The following PLD1 variants were observed in gnomAD, a reference collection of about 807,000 sequenced individuals.
The protein encoded by PLD1 is choline phosphatase 1.
A neutral mutation model predicts 137.1 loss-of-function variants in PLD1; 112 were observed. The observed-to-expected ratio is 0.82, with a 90% CI of 0.70 to 0.96. The LOEUF is 0.96. PLD1 is among the 40% of genes least tolerant of loss of function. The probability of loss-of-function intolerance (pLI) is 0.00; values close to 1 mark genes in which losing one functional copy is unlikely to be tolerated. For missense variants in PLD1, 1,321 were observed against 1,342.0 expected, an observed-to-expected ratio of 0.98 and a Z score of 0.24; for synonymous variants, 431 against 454.7, an observed-to-expected ratio of 0.95 and a Z score of 0.66.
Position 171,783,460 on chromosome 3 carries a change from A to G in PLD1, c.-32+26939T>C, listed in dbSNP as rs570617121. Among the ~76,000 whole-genome samples, 4 of 152,284 alleles carry G rather than the reference A, an allele frequency of 2.6e-5. No homozygotes were observed. The East Asian group carries it at 5.8e-4, about 22-fold the overall frequency. On this transcript the variant is annotated intron_variant, in intron 1 of 26. Transcript: ENST00000351298. ...GAAAGTTAGACTACACAGGGCATTAATGGAAAGTAAAAAGGTGGCAGAGTC... is the reference window on the plus strand; with the variant it reads ...GAAAGTTAGACTACACAGGGCATTAGTGGAAAGTAAAAAGGTGGCAGAGTC...
At chr3:171,664,594 A>G (rs1022855279) in intron 19 of PLD1, among the ~76,000 whole-genome samples, 3 of 151,428 alleles carry the variant, frequency 2.0e-5, no homozygotes, top group Admixed American at 6.6e-5. Flanking sequence ...AGTAGCTGGG[A>G]TTACAGGTGT....
At chr3:171,654,318 AAAG>A in intron 21 of PLD1, 2 of 318,382 alleles carry the variant, frequency 6.3e-6, no homozygotes, top group Admixed American at 4.5e-5. Context: ...AAAAAAAAAA[AAAG>A]AACATGGTAA....
At position 171,620,503 on chromosome 3, in the gene PLD1, T is replaced by C; in HGVS notation, c.2611A>G (p.Asn871Asp). 1 of 1,584,986 alleles carries C rather than the reference T, an allele frequency of 6.3e-7. No homozygotes were observed. Among genetic ancestry groups the C allele is most frequent in the Non-Finnish European group, 8.6e-7 (1 of 1,156,532 alleles). ...CTAAGACCACAGAATGATATGTAAT[T>C]TATCCACTGATTACCAACTGCAAAT... ...LKAELGNQWI[N>D]YISFCGLRTH... The change falls in exon 24 of 27, where the codon AAT becomes GAT. Residue 871 changes from asparagine to aspartate, a missense_variant. Physicochemically the swap from Asn to Asp is conservative, Grantham distance 23 (BLOSUM62 1). Coordinates refer to ENST00000351298, the MANE Select transcript of PLD1 (RefSeq NM_002662.5).
chr3:171,783,032 T>C (rs1169092273), intron 1 of PLD1, among the ~76,000 whole-genome samples: 2 of 151,934 alleles, frequency 1.3e-5, no homozygotes, highest in Non-Finnish European at 2.9e-5. Context: ...TGCAAGAGAA[T>C]ATGGGAGCTG....
In PLD1 at chr3:171,612,867, A is replaced by C. The variant is rs979992784; in HGVS notation, c.2729-435T>G. ...AGAACAAACAAAAAAGCTTAAAGAAAATGCTAAGTAGAAAAAAGAGCCAGG... is the reference window on the plus strand; with the variant it reads ...AGAACAAACAAAAAAGCTTAAAGAACATGCTAAGTAGAAAAAAGAGCCAGG... On this transcript the variant is annotated intron_variant, in intron 24 of 26. Coordinates refer to ENST00000351298, the MANE Select transcript of PLD1 (RefSeq NM_002662.5). The surrounding 1 kb of genome is among the most constrained non-coding windows in gnomAD (Gnocchi z 4.1). Among the ~76,000 whole-genome samples, 1 of 152,160 alleles carries C rather than the reference A, an allele frequency of 6.6e-6. No individual in the cohort carries two copies. The highest frequency in any genetic ancestry group is 1.5e-5 in the Non-Finnish European group (1 of 68,034).
chr3:171,731,222 A>G (rs973960801), intron 6 of PLD1, among the ~76,000 whole-genome samples: 1 of 152,178 alleles, frequency 6.6e-6, no homozygotes, highest in African/African-American at 2.4e-5. Context: ...ATACATGTTA[A>G]AATAACTTTT....
intron 25 of PLD1, among the ~76,000 whole-genome samples, chr3:171,606,433 C>A (rs1416467586): frequency 6.6e-6 from 1 of 152,110 alleles, no homozygotes; most frequent in Non-Finnish European, 1.5e-5. Context: ...GAGAATTGTC[C>A]TCATGCACAT....
At chr3:171,722,010 T>G (rs1272331414) in intron 8 of PLD1, among the ~76,000 whole-genome samples, 1 of 152,170 alleles carries the variant, frequency 6.6e-6, no homozygotes, top group Non-Finnish European at 1.5e-5. Flanking sequence ...ATAGCTCAAT[T>G]CCACATTTAA....
At chr3:171,605,954 A>G (rs914153338) in intron 25 of PLD1, among the ~76,000 whole-genome samples, 1 of 152,238 alleles carries the variant, frequency 6.6e-6, no homozygotes. Flanking sequence ...AGTGAAATGG[A>G]GAGTGTAGAC....
chr3:171,725,008 C>T (rs1718400425), intron 7 of PLD1, among the ~76,000 whole-genome samples: 1 of 152,096 alleles, frequency 6.6e-6, no homozygotes, highest in South Asian at 2.1e-4. Context: ...CTTCAGCATT[C>T]GGGGCAGTGT....
At chr3:171,725,806 C>A (rs554669787) in intron 7 of PLD1, among the ~76,000 whole-genome samples, 1 of 152,190 alleles carries the variant, frequency 6.6e-6, no homozygotes, top group African/African-American at 2.4e-5. Context: ...GCTGTAAGCA[C>A]GTGACAAAGA....
At chr3:171,707,872 C>G (rs1270800493) in intron 11 of PLD1, among the ~76,000 whole-genome samples, 1 of 152,172 alleles carries the variant, frequency 6.6e-6, no homozygotes, top group East Asian at 1.9e-4. Context: ...ACAACCGAAG[C>G]AAAAGATGTG....
At position 171,600,656 on chromosome 3, in the gene PLD1, C is replaced by T. The variant is rs1324662736; in HGVS notation, c.*2422G>A. Reference sequence around the variant, plus strand: ...GCAGAATGCTGTACTATGTAAACTGCTACTGCAAAAAAAAAAAAAAAAGCA... The same window carrying T: ...GCAGAATGCTGTACTATGTAAACTGTTACTGCAAAAAAAAAAAAAAAAGCA... On this transcript the variant is annotated 3_prime_UTR_variant, in exon 27 of 27. Coordinates refer to ENST00000351298, the MANE Select transcript of PLD1 (RefSeq NM_002662.5). 2.2e-5 allele frequency: 3 copies of T among 138,090 alleles called. No homozygotes were observed. The highest frequency in any genetic ancestry group is 4.6e-5 in the Non-Finnish European group (3 of 65,672). The allele number at this position is 138,090 out of a possible 1,614,324, so 8.6% of individuals were successfully genotyped here.
Position 171,687,534 on chromosome 3 carries a change from C to T in PLD1, c.1590G>A (p.Glu530=). 6.2e-7 allele frequency: 1 copy of T among 1,614,050 alleles called. No homozygotes were observed. The highest frequency in any genetic ancestry group is 8.5e-7 in the Non-Finnish European group (1 of 1,179,972). ...TCTGGATGGGTAGGTTTTGAACAGG[C>T]TCATTTTTATCTTTGAGTCTTAAGG... ...MESLRLKDKN[E]PVQNLPIQKS... The change falls in exon 15 of 27, where the codon GAG becomes GAA. Residue 530 remains glutamate, a synonymous_variant. Transcript: ENST00000351298.
intron 23 of PLD1, among the ~76,000 whole-genome samples, chr3:171,638,287 T>C (rs569895017): frequency 9.5e-4 from 144 of 152,190 alleles, no homozygotes; most frequent in African/African-American, 3.2e-3. Flanking sequence ...GTCTAAACTA[T>C]TACTGTACAC....
Position 171,620,539 on chromosome 3 carries a change from A to T in PLD1, c.2594-19T>A. 6.9e-7 allele frequency: 1 copy of T among 1,454,006 alleles called. No individual in the cohort carries two copies. The highest frequency in any genetic ancestry group is 9.6e-7 in the Non-Finnish European group (1 of 1,043,756). The allele number at this position is 1,454,006 out of a possible 1,614,324, so 90.1% of individuals were successfully genotyped here. ...TTACCAACTGCAAATTTAAAAAGAA[A>T]TTATTAAAATTAATATGACCAAGCT... On this transcript the variant is annotated intron_variant, in intron 23 of 26. Transcript: ENST00000351298.
At chr3:171,640,146 T>C (rs1368222310) in intron 23 of PLD1, among the ~76,000 whole-genome samples, 1 of 151,944 alleles carries the variant, frequency 6.6e-6, no homozygotes, top group Non-Finnish European at 1.5e-5. Context: ...TCTATTTTTT[T>C]CTATTATCTC....
chr3:171,710,831 T>C (rs1216033337), intron 9 of PLD1, among the ~76,000 whole-genome samples: 1 of 151,668 alleles, frequency 6.6e-6, no homozygotes, highest in African/African-American at 2.4e-5. Flanking sequence ...GGCATGACTA[T>C]ATTGTGAGTT....
At chr3:171,662,537 T>A (rs1017648958) in intron 19 of PLD1, among the ~76,000 whole-genome samples, 1 of 152,196 alleles carries the variant, frequency 6.6e-6, no homozygotes, top group African/African-American at 2.4e-5. Context: ...CCATTTGTAT[T>A]CCTTTCCTAT....
Sources: gnomAD v4.1 joint callset for allele counts (sites outside exome capture counted in the v4.1 genomes callset) on GRCh38, gnomAD v4.1.1 for gene constraint, Gnocchi (gnomAD v3.1) non-coding constraint, MANE v1.5 for transcripts, NCBI Gene and HGNC (gene_info 2026-07-23, HGNC 2026-07-21) for gene names.